The following MCTP1 variants were observed in gnomAD, a reference collection of about 807,000 sequenced individuals.
The protein encoded by MCTP1 is multiple C2 and transmembrane domain containing 1.
MCTP1 carries 69 observed loss-of-function variants against 120.6 expected under a neutral mutation model. The ratio of observed to expected loss-of-function variants is 0.57; its 90% CI spans 0.47 to 0.70. The LOEUF is 0.70. Ranked by LOEUF, MCTP1 falls within the 30% of genes least tolerant of loss-of-function variation. The probability of loss-of-function intolerance (pLI) is 0.00; values close to 1 mark genes in which losing one functional copy is unlikely to be tolerated. For synonymous variants in MCTP1, 529 were observed against 493.1 expected (o/e 1.07, Z -0.96); for missense variants, 1,203 against 1,248.8 (o/e 0.96, Z 0.55).
intron 20 of MCTP1, among the ~76,000 whole-genome samples, chr5:94,712,642 C>G (rs1161028192): frequency 6.6e-6 from 1 of 152,026 alleles, no homozygotes; most frequent in Non-Finnish European, 1.5e-5. Context: ...TCAGTAATCC[C>G]TGGTGTCTGG....
chr5:95,028,604 C>T (rs747103674), intron 1 of MCTP1, among the ~76,000 whole-genome samples: 98 of 152,180 alleles, frequency 6.4e-4, no homozygotes, highest in Admixed American at 3.3e-3. Context: ...ATAACCTTTC[C>T]GCCTACACAT....
At chr5:95,160,955 AG>A (rs1287781591) in intron 1 of MCTP1, among the ~76,000 whole-genome samples, 5 of 152,206 alleles carry the variant, frequency 3.3e-5, no homozygotes, top group Non-Finnish European at 7.3e-5. Context: ...AGTGTTAGTA[AG>A]GGTGTGGAGA....
chr5:94,786,381 T>C (rs1777689984), intron 18 of MCTP1, among the ~76,000 whole-genome samples: 1 of 152,182 alleles, frequency 6.6e-6, no homozygotes, highest in Admixed American at 6.5e-5. Context: ...TTCAGTTCTT[T>C]TCTTATATCC....
At chr5:94,844,587 TAG>T (rs1791892810) in intron 17 of MCTP1, among the ~76,000 whole-genome samples, 1 of 151,890 alleles carries the variant, frequency 6.6e-6, no homozygotes, top group Non-Finnish European at 1.5e-5. Context: ...CTTGTGGAGG[TAG>T]AGAGTCATGC....
intron 1 of MCTP1, among the ~76,000 whole-genome samples, chr5:95,217,188 A>AAT (rs1482776488): frequency 6.6e-6 from 1 of 152,214 alleles, no homozygotes; most frequent in Non-Finnish European, 1.5e-5. Context: ...ATTGTTTCCA[A>AAT]ATATTCCTAG....
chr5:95,217,519 C>T (rs1048801699), intron 1 of MCTP1, among the ~76,000 whole-genome samples: 3 of 152,134 alleles, frequency 2.0e-5, no homozygotes, highest in Admixed American at 1.3e-4. Context: ...CACCTGCTTT[C>T]CTTCTGCAAA....
chr5:95,144,611 T>C (rs1760219688), intron 1 of MCTP1, among the ~76,000 whole-genome samples: 1 of 152,104 alleles, frequency 6.6e-6, no homozygotes, highest in South Asian at 2.1e-4. Context: ...TCTAGTTTCA[T>C]CCTTCTGCAT....
chr5:95,123,656 T>C (rs1758400968), intron 1 of MCTP1, among the ~76,000 whole-genome samples: 1 of 44,674 alleles, frequency 2.2e-5, no homozygotes, highest in Non-Finnish European at 1.0e-4. Context: ...CTCTGCTTTT[T>C]TTTTTTTTTT....
intron 1 of MCTP1, among the ~76,000 whole-genome samples, chr5:95,039,180 T>G (rs143869173): frequency 6.6e-6 from 1 of 152,324 alleles, no homozygotes; most frequent in East Asian, 1.9e-4. Flanking sequence ...CTTTGTACTT[T>G]CAAAATGATA....
At chr5:95,225,698 T>A (rs929308381) in intron 1 of MCTP1, among the ~76,000 whole-genome samples, 1 of 151,972 alleles carries the variant, frequency 6.6e-6, no homozygotes, top group African/African-American at 2.4e-5. Flanking sequence ...TTCCTCAGGG[T>A]TTCATCTCTC....
chr5:95,284,057 G>A lies in MCTP1; in HGVS notation c.519C>T (p.Pro173=), dbSNP rs952749451. ...CATCTCGGGCGCGGTCCCCCCTCGG[G>A]GGAGGCTGGGGCGAGGAGGACAGGG... ...SSSLSSSPQP[P]PRGDRARDEG... The change falls in exon 1 of 23, where the codon CCC becomes CCT. Residue 173 remains proline, a synonymous_variant. Coordinates refer to ENST00000515393, the MANE Select transcript of MCTP1 (RefSeq NM_024717.7). The surrounding 1 kb of genome is among the most constrained non-coding windows in gnomAD (Gnocchi z 5.2). 6.5e-7 allele frequency: 1 copy of A among 1,536,270 alleles called. No individual in the cohort carries two copies. The highest frequency in any genetic ancestry group is 8.8e-7 in the Non-Finnish European group (1 of 1,141,684).
At chr5:94,953,412 A>C in intron 2 of MCTP1, 51 bp from the exon 3 acceptor site, 1 of 1,420,440 alleles carries the variant, frequency 7.0e-7, no homozygotes, top group Non-Finnish European at 9.4e-7. Context: ...GTTTGGAAGC[A>C]AGAGAACCAC....
intron 1 of MCTP1, among the ~76,000 whole-genome samples, chr5:95,197,391 G>A (rs1336220315): frequency 6.6e-6 from 1 of 152,004 alleles, no homozygotes; most frequent in East Asian, 1.9e-4. Flanking sequence ...CACTTAGGTG[G>A]GCATGATGAA....
At position 95,216,168 on chromosome 5, in the gene MCTP1, G is replaced by A. The variant is rs116747205; in HGVS notation, c.720+67688C>T. Reference sequence around the variant, plus strand: ...GAGGGACTATAATAAATAGCATTTCGTTTTCCAGTGAATAAAAATATACAC... The same window carrying A: ...GAGGGACTATAATAAATAGCATTTCATTTTCCAGTGAATAAAAATATACAC... On this transcript the variant is annotated intron_variant, in intron 1 of 22. Transcript: ENST00000515393. Among the ~76,000 whole-genome samples the A allele has an allele frequency of 3.7e-3, 560 of 152,132 alleles. 2 individuals are homozygous for A. The highest frequency in any genetic ancestry group is 0.012 in the African/African-American group (482 of 41,490).
At chr5:95,056,681 G>A (rs944934573) in intron 1 of MCTP1, among the ~76,000 whole-genome samples, 6 of 152,152 alleles carry the variant, frequency 3.9e-5, no homozygotes, top group Admixed American at 6.5e-5. Flanking sequence ...GTGGAATAGC[G>A]GACTCACTGA....
intron 19 of MCTP1, among the ~76,000 whole-genome samples, chr5:94,764,803 T>TCA (rs1772173270): frequency 7.4e-6 from 1 of 134,752 alleles, no homozygotes; most frequent in Non-Finnish European, 1.5e-5. Flanking sequence ...TACCCTACTG[T>TCA]CAGCACTGGA....
At position 94,932,404 on chromosome 5, in the gene MCTP1, G is replaced by A. The variant is rs146327679; in HGVS notation, c.1174-413C>T. ...CAAAATCTTTTGCTTGGATGGCATC[G>A]TAGAATTGTCTCTGTTTCCAGTTAA... On this transcript the variant is annotated intron_variant, in intron 5 of 22. Transcript: ENST00000515393. 2.8e-3 allele frequency among the ~76,000 whole-genome samples: 433 copies of A among 151,986 alleles called. 1 individual carries two copies. The highest frequency in any genetic ancestry group is 3.7e-3 in the Non-Finnish European group (252 of 67,898).
Position 94,981,450 on chromosome 5 carries a change from C to G in MCTP1, c.839-28089G>C, listed in dbSNP as rs79274728. 3.3e-3 allele frequency among the ~76,000 whole-genome samples: 501 copies of G among 152,284 alleles called. 5 individuals are homozygous for G. The highest frequency in any genetic ancestry group is 0.012 in the African/African-American group (492 of 41,552). ...TATGATTTTCCTTTCCTGAAATACACTCACACATTCAACAATATTTACTGG... is the reference window on the plus strand; with the variant it reads ...TATGATTTTCCTTTCCTGAAATACAGTCACACATTCAACAATATTTACTGG... On this transcript the variant is annotated intron_variant, in intron 2 of 22. Transcript: ENST00000515393.
chr5:95,277,104 G>A (rs1759912621), intron 1 of MCTP1, among the ~76,000 whole-genome samples: 1 of 152,148 alleles, frequency 6.6e-6, no homozygotes, highest in Non-Finnish European at 1.5e-5. Context: ...AGGATGTATA[G>A]GCAGGAATCA....
Sources: gnomAD v4.1 joint callset for allele counts (sites outside exome capture counted in the v4.1 genomes callset) on GRCh38, gnomAD v4.1.1 for gene constraint, Gnocchi (gnomAD v3.1) non-coding constraint, MANE v1.5 for transcripts, NCBI Gene and HGNC (gene_info 2026-07-23, HGNC 2026-07-21) for gene names.